The following GLIS1 variants were observed in gnomAD, a reference collection of about 807,000 sequenced individuals.
GLIS1 encodes the protein zinc finger protein GLIS1.
GLIS1 carries 24 observed loss-of-function variants against 63.8 expected under a neutral mutation model. That is an observed-to-expected ratio of 0.38 (90% CI 0.27 to 0.53). GLIS1 has a LOEUF of 0.53. Among genes scored for constraint, GLIS1 ranks in the 20% least tolerant of loss-of-function variants. The pLI, the probability that GLIS1 is intolerant of heterozygous loss-of-function variation, is 0.85. For missense variants in GLIS1, 1,036 were observed against 1,074.1 expected (o/e 0.96, Z 0.50); for synonymous variants, 450 against 482.5 (o/e 0.93, Z 0.88).
At chr1:53,634,266 T>C (rs1256666890) in intron 2 of GLIS1, among the ~76,000 whole-genome samples, 1 of 152,168 alleles carries the variant, frequency 6.6e-6, no homozygotes, top group African/African-American at 2.4e-5. Context: ...GGTCTGGAGA[T>C]AACTTTGGAT....
intron 2 of GLIS1, among the ~76,000 whole-genome samples, chr1:53,672,295 G>A (rs1413695126): frequency 1.3e-5 from 2 of 152,294 alleles, no homozygotes; most frequent in Non-Finnish European, 2.9e-5. Context: ...CCATCACCTT[G>A]GGCAAGTCAG....
intron 2 of GLIS1, among the ~76,000 whole-genome samples, chr1:53,647,462 T>C (rs1463396522): frequency 1.3e-5 from 2 of 152,168 alleles, no homozygotes; most frequent in Admixed American, 6.5e-5. Context: ...ACGTGGTCAA[T>C]AGAAGCTGCT....
chr1:53,587,539 C>T, intron 4 of GLIS1, among the ~76,000 whole-genome samples: 1 of 152,122 alleles, frequency 6.6e-6, no homozygotes, highest in East Asian at 1.9e-4. Context: ...ACCCCAGCCT[C>T]CAGGAAGGGA....
intron 10 of GLIS1, among the ~76,000 whole-genome samples, chr1:53,508,181 C>T (rs1190872337): frequency 6.6e-6 from 1 of 152,168 alleles, no homozygotes; most frequent in African/African-American, 2.4e-5. Context: ...CACGAGAGTG[C>T]AGCCCTGCCA....
intron 4 of GLIS1, among the ~76,000 whole-genome samples, chr1:53,532,223 C>A (rs1264484972): frequency 6.6e-6 from 1 of 152,064 alleles, no homozygotes; most frequent in Non-Finnish European, 1.5e-5. Context: ...CAAGTGGGGA[C>A]CGGGGGAGGA....
At chr1:53,573,656 A>T (rs1645005184) in intron 4 of GLIS1, among the ~76,000 whole-genome samples, 2 of 152,224 alleles carry the variant, frequency 1.3e-5, no homozygotes, top group Non-Finnish European at 2.9e-5. Context: ...ATGCACATGT[A>T]CACGCACACA....
At chr1:53,507,953 C>T (rs1187759888) in intron 10 of GLIS1, among the ~76,000 whole-genome samples, 1 of 152,202 alleles carries the variant, frequency 6.6e-6, no homozygotes, top group Admixed American at 6.5e-5. Flanking sequence ...CATGTGAGCC[C>T]CATGTCACGC....
At chr1:53,621,694 AT>A (rs1486594647) in intron 2 of GLIS1, among the ~76,000 whole-genome samples, 1 of 151,974 alleles carries the variant, frequency 6.6e-6, no homozygotes, top group Non-Finnish European at 1.5e-5. Flanking sequence ...TCATAGCAGC[AT>A]TTAAAAAATA....
chr1:53,673,203 C>A (rs924123248), intron 2 of GLIS1, among the ~76,000 whole-genome samples: 1 of 152,234 alleles, frequency 6.6e-6, no homozygotes, highest in Non-Finnish European at 1.5e-5. Context: ...CTTGTCCACA[C>A]CATGCCCACA....
At chr1:53,669,557 A>T (rs1190480686) in intron 2 of GLIS1, among the ~76,000 whole-genome samples, 2 of 152,168 alleles carry the variant, frequency 1.3e-5, no homozygotes, top group African/African-American at 2.4e-5. Context: ...TTCATCACAA[A>T]CACCCACTGA....
At chr1:53,533,535 G>A (rs888857812) in intron 4 of GLIS1, among the ~76,000 whole-genome samples, 1 of 152,230 alleles carries the variant, frequency 6.6e-6, no homozygotes, top group Admixed American at 6.5e-5. Flanking sequence ...ACAGGCTGGG[G>A]TATAATGAGC....
chr1:53,689,220 G>GT (rs1425252734), intron 2 of GLIS1, among the ~76,000 whole-genome samples: 1 of 152,208 alleles, frequency 6.6e-6, no homozygotes, highest in Non-Finnish European at 1.5e-5. Flanking sequence ...ATTCAGAGCA[G>GT]TAAGTGCTGT....
chr1:53,520,522 C>A, intron 7 of GLIS1, 112 bp downstream of exon 7: 1 of 1,255,724 alleles, frequency 8.0e-7, no homozygotes. Flanking sequence ...TGAGTGCCTG[C>A]AACATGTCAT....
At chr1:53,628,248 G>A (rs192642082) in intron 2 of GLIS1, among the ~76,000 whole-genome samples, 1 of 152,252 alleles carries the variant, frequency 6.6e-6, no homozygotes, top group Non-Finnish European at 1.5e-5. Flanking sequence ...TCAATAGTGT[G>A]CCCCAGATGA....
chr1:53,598,898 G>A lies in GLIS1; in HGVS notation c.437+1203C>T, dbSNP rs999912622. 5.9e-5 allele frequency among the ~76,000 whole-genome samples: 9 copies of A among 152,332 alleles called. No individual in the cohort carries two copies. The South Asian group carries it at 1.7e-3, about 28-fold the overall frequency. ...TCCACTGTGGAGCTCTCACGAGAAC[G>A]TAAACTCCATCAGGAGAGATCTTTG... On this transcript the variant is annotated intron_variant, in intron 3 of 10. Transcript: ENST00000628545. This position sits in a 1 kb window ranked among gnomAD's most constrained non-coding sequence, Gnocchi z 4.6.
chr1:53,593,709 C>T (rs186728142), intron 4 of GLIS1, among the ~76,000 whole-genome samples: 6 of 152,312 alleles, frequency 3.9e-5, no homozygotes, highest in Admixed American at 1.3e-4. Context: ...GAGGGCCCAG[C>T]GCTGGAGGAG....
chr1:53,544,025 G>T (rs1644672056), intron 4 of GLIS1, among the ~76,000 whole-genome samples: 1 of 152,206 alleles, frequency 6.6e-6, no homozygotes, highest in African/African-American at 2.4e-5. Context: ...GCCGTTCTGG[G>T]GCGCGCAGCC....
chr1:53,732,950 C>T (rs1041064441), intron 2 of GLIS1, among the ~76,000 whole-genome samples: 1 of 152,166 alleles, frequency 6.6e-6, no homozygotes. Flanking sequence ...AAATTATCCT[C>T]AGCGATAGTC....
chr1:53,677,636 C>T (rs1400940798), intron 2 of GLIS1, among the ~76,000 whole-genome samples: 1 of 152,254 alleles, frequency 6.6e-6, no homozygotes, highest in Non-Finnish European at 1.5e-5. Flanking sequence ...TCTGCAGGCC[C>T]AGACCAGACG....
Sources: allele counts gnomAD v4.1 joint callset (sites outside exome capture counted in the v4.1 genomes callset), GRCh38; gene constraint gnomAD v4.1.1; non-coding constraint Gnocchi (gnomAD v3.1); transcripts MANE v1.5; gene names NCBI Gene and HGNC (gene_info 2026-07-23, HGNC 2026-07-21).